Variants in PLEKHM3 observed in about 807,000 individuals in gnomAD.
PLEKHM3 encodes pleckstrin homology domain containing M3, also known as pleckstrin homology domain-containing family M member 3.
PLEKHM3 carries 45 observed loss-of-function variants against 81.8 expected under a neutral mutation model. That is an observed-to-expected ratio of 0.55 (90% CI 0.43 to 0.71). PLEKHM3 has a LOEUF of 0.71. PLEKHM3 is among the 30% of genes least tolerant of loss of function. The pLI, the probability that PLEKHM3 is intolerant of heterozygous loss-of-function variation, is 0.00. For missense variants in PLEKHM3, 788 were observed against 924.3 expected (o/e 0.85, Z 1.91); for synonymous variants, 352 against 356.4 (o/e 0.99, Z 0.14).
At chr2:207,876,429 T>C (rs1441487779) in intron 6 of PLEKHM3, among the ~76,000 whole-genome samples, 1 of 152,358 alleles carries the variant, frequency 6.6e-6, no homozygotes, top group African/African-American at 2.4e-5. Flanking sequence ...CACTTGTCCC[T>C]AATAATATGT....
At chr2:207,898,598 C>A (rs796973333) in intron 6 of PLEKHM3, among the ~76,000 whole-genome samples, 7 of 152,200 alleles carry the variant, frequency 4.6e-5, no homozygotes, top group African/African-American at 1.7e-4. Flanking sequence ...TACCAAAAAA[C>A]CCCACAAAAA....
chr2:207,912,251 T>C lies in PLEKHM3; in HGVS notation c.1887-3674A>G, dbSNP rs116663789. ...AATCATCTCTAATATTCCTTCAACATTATTTGTACAGCACAGCTAAAGTGG... is the reference window on the plus strand; with the variant it reads ...AATCATCTCTAATATTCCTTCAACACTATTTGTACAGCACAGCTAAAGTGG... On this transcript the variant is annotated intron_variant, in intron 5 of 7. Transcript: ENST00000427836. Among the ~76,000 whole-genome samples the C allele has an allele frequency of 4.4e-3, 666 of 152,334 alleles. 3 individuals are homozygous for C. Among genetic ancestry groups the C allele is most frequent in the African/African-American group, 0.015 (628 of 41,570 alleles).
chr2:207,875,585 G>A (rs1167342280), intron 6 of PLEKHM3, among the ~76,000 whole-genome samples: 1 of 152,190 alleles, frequency 6.6e-6, no homozygotes, highest in Admixed American at 6.5e-5. Context: ...TCACACAAGT[G>A]TACAGGGAAA....
At chr2:207,870,217 G>A (rs1011227938) in intron 6 of PLEKHM3, among the ~76,000 whole-genome samples, 1 of 152,140 alleles carries the variant, frequency 6.6e-6, no homozygotes, top group African/African-American at 2.4e-5. Flanking sequence ...TATGGGGGGC[G>A]GAGAAGACAG....
chr2:208,011,468 A>G (rs2106113212), intron 1 of PLEKHM3, among the ~76,000 whole-genome samples: 1 of 152,296 alleles, frequency 6.6e-6, no homozygotes, highest in East Asian at 1.9e-4. Context: ...AGCAACCTGG[A>G]TGGGATTGGA....
intron 1 of PLEKHM3, among the ~76,000 whole-genome samples, chr2:208,007,073 T>C (rs1692518222): frequency 6.6e-6 from 1 of 152,226 alleles, no homozygotes; most frequent in Non-Finnish European, 1.5e-5. Context: ...GTAAAAGCGC[T>C]GACTTCCTCC....
intron 3 of PLEKHM3, among the ~76,000 whole-genome samples, chr2:207,963,581 T>C (rs1479757628): frequency 6.6e-6 from 1 of 151,956 alleles, no homozygotes; most frequent in African/African-American, 2.4e-5. Flanking sequence ...GCAAATAAAG[T>C]GAGGGAGGTA....
intron 1 of PLEKHM3, among the ~76,000 whole-genome samples, chr2:208,004,656 G>C (rs1355923479): frequency 6.6e-6 from 1 of 152,018 alleles, no homozygotes; most frequent in Admixed American, 6.6e-5. Flanking sequence ...CTTTGCATTT[G>C]CTCTTCCCCC....
chr2:207,830,510 G>A (rs949339503), intron 7 of PLEKHM3, among the ~76,000 whole-genome samples: 1 of 151,800 alleles, frequency 6.6e-6, no homozygotes, highest in Non-Finnish European at 1.5e-5. Context: ...CTACTCGGGA[G>A]GCTGAGGCAG....
chr2:207,928,481 T>C (rs1202772090), intron 5 of PLEKHM3, among the ~76,000 whole-genome samples: 1 of 152,386 alleles, frequency 6.6e-6, no homozygotes, highest in East Asian at 1.9e-4. Flanking sequence ...AAGAAAGTGA[T>C]ATTAATAACA....
chr2:207,972,118 C>G (rs1364544150), intron 3 of PLEKHM3, among the ~76,000 whole-genome samples: 1 of 152,240 alleles, frequency 6.6e-6, no homozygotes, highest in Non-Finnish European at 1.5e-5. Flanking sequence ...AGGACCATGT[C>G]TGCTTTCCTC....
intron 2 of PLEKHM3, among the ~76,000 whole-genome samples, chr2:207,986,862 T>G (rs1296553005): frequency 1.4e-5 from 2 of 142,902 alleles, no homozygotes; most frequent in Non-Finnish European, 3.0e-5. Flanking sequence ...TTTTTTTTTG[T>G]AGAGACAGGG....
chr2:207,887,186 A>G (rs1687909138), intron 6 of PLEKHM3, among the ~76,000 whole-genome samples: 1 of 152,242 alleles, frequency 6.6e-6, no homozygotes, highest in Non-Finnish European at 1.5e-5. Context: ...ATAGCAACAC[A>G]TTTCTGGAAA....
chr2:207,961,719 G>A (rs1690741672), intron 3 of PLEKHM3, among the ~76,000 whole-genome samples: 1 of 152,180 alleles, frequency 6.6e-6, no homozygotes, highest in Non-Finnish European at 1.5e-5. Context: ...GAGGGCTGCA[G>A]ACAAGCTGAG....
intron 7 of PLEKHM3, among the ~76,000 whole-genome samples, chr2:207,858,136 A>ACGTGTG (rs747310319): frequency 5.5e-5 from 7 of 126,922 alleles, no homozygotes; most frequent in Non-Finnish European, 9.6e-5. Flanking sequence ...TCATATAGAT[A>ACGTGTG]TGTGTGTGTG....
intron 6 of PLEKHM3, among the ~76,000 whole-genome samples, chr2:207,877,996 C>A (rs186417905): frequency 6.6e-6 from 1 of 152,072 alleles, no homozygotes; most frequent in Admixed American, 6.6e-5. Flanking sequence ...AGTGCAGTGG[C>A]GTAATCTTGT....
intron 5 of PLEKHM3, among the ~76,000 whole-genome samples, chr2:207,918,329 T>C (rs774046921): frequency 6.6e-6 from 1 of 152,176 alleles, no homozygotes; most frequent in East Asian, 1.9e-4. Context: ...AAGACCTTCC[T>C]GGCTAACACG....
At chr2:207,893,217 C>T (rs951063505) in intron 6 of PLEKHM3, among the ~76,000 whole-genome samples, 3 of 152,234 alleles carry the variant, frequency 2.0e-5, no homozygotes, top group Non-Finnish European at 4.4e-5. Flanking sequence ...GCCCTTTCTG[C>T]CACCCCAAAG....
rs531858986 is a variant in PLEKHM3 at position 207,828,631 on chromosome 2, A to G, written c.2109-135T>C. On this transcript the variant is annotated intron_variant, in intron 7 of 7. Transcript: ENST00000427836. ...AACCCTGCCAATGGGAAGGGAGATG[A>G]CTCACTGAAATGAACTGTTTGTTTT... 35 of 778,228 alleles carry G rather than the reference A, an allele frequency of 4.5e-5. 1 individual carries two copies. The highest frequency in any genetic ancestry group is 4.4e-4 in the South Asian group (23 of 52,826). The allele number at this position is 778,228 out of a possible 1,614,324, so 48.2% of individuals were successfully genotyped here. A position where few individuals can be genotyped will look rare whatever the true frequency, so the allele number is the denominator to read the frequency against.
Sources: gnomAD v4.1 joint callset for allele counts (sites outside exome capture counted in the v4.1 genomes callset) on GRCh38, gnomAD v4.1.1 for gene constraint, MANE v1.5 for transcripts, NCBI Gene and HGNC (gene_info 2026-07-23, HGNC 2026-07-21) for gene names.